Variants in KCTD16 observed in about 807,000 individuals in gnomAD.
KCTD16 encodes BTB/POZ domain-containing protein KCTD16.
A neutral mutation model predicts 33.2 loss-of-function variants in KCTD16; 13 were observed. The ratio of observed to expected loss-of-function variants is 0.39; its 90% CI spans 0.25 to 0.62. The LOEUF is 0.62. KCTD16 is among the 20% of genes least tolerant of loss of function. The pLI is 0.50. For synonymous variants in KCTD16, 197 were observed against 195.3 expected (o/e 1.01, Z -0.07); for missense variants, 441 against 525.1 (o/e 0.84, Z 1.57).
intron 3 of KCTD16, among the ~76,000 whole-genome samples, chr5:144,266,614 C>A (rs552574751): frequency 1.3e-5 from 2 of 152,284 alleles, no homozygotes; most frequent in East Asian, 3.9e-4. Flanking sequence ...TGACCAAATA[C>A]CCTTCCCTAA....
At chr5:144,249,133 C>A (rs934491096) in intron 3 of KCTD16, among the ~76,000 whole-genome samples, 1 of 152,264 alleles carries the variant, frequency 6.6e-6, no homozygotes, top group Admixed American at 6.5e-5. Flanking sequence ...GCAACACCCT[C>A]GTCTTCATTT....
intron 3 of KCTD16, among the ~76,000 whole-genome samples, chr5:144,358,069 A>G (rs376548051): frequency 2.2e-4 from 33 of 149,194 alleles, no homozygotes; most frequent in South Asian, 8.5e-4. Flanking sequence ...GACTACAGGC[A>G]TATGGCACCA....
At chr5:144,247,746 A>G (rs950179874) in intron 3 of KCTD16, among the ~76,000 whole-genome samples, 2 of 152,214 alleles carry the variant, frequency 1.3e-5, no homozygotes, top group African/African-American at 4.8e-5. Flanking sequence ...ACTGCTGATT[A>G]TGAACACACT....
intron 3 of KCTD16, among the ~76,000 whole-genome samples, chr5:144,366,314 C>T (rs569973644): frequency 1.6e-4 from 25 of 152,286 alleles, no homozygotes; most frequent in African/African-American, 6.0e-4. Flanking sequence ...TCTTGTTGAT[C>T]TGTGGATCCC....
chr5:144,205,404 T>C (rs1044455829), intron 2 of KCTD16: 5 of 397,802 alleles, frequency 1.3e-5, no homozygotes, highest in African/African-American at 8.2e-5. Context: ...CGAACTGCAC[T>C]GGGAACTGTG....
At chr5:144,309,072 C>T (rs1751686201) in intron 3 of KCTD16, among the ~76,000 whole-genome samples, 1 of 152,202 alleles carries the variant, frequency 6.6e-6, no homozygotes, top group African/African-American at 2.4e-5. Flanking sequence ...TGCTCACCTA[C>T]ATCTGCTGTG....
chr5:144,356,845 A>G (rs80231813), intron 3 of KCTD16, among the ~76,000 whole-genome samples: 1,895 of 151,806 alleles, frequency 0.012, 31 homozygotes, highest in African/African-American at 0.043. Context: ...CTTTCTCTCC[A>G]TTCCCTTCCC....
chr5:144,399,102 G>A (rs1170635259), intron 3 of KCTD16, among the ~76,000 whole-genome samples: 3 of 152,138 alleles, frequency 2.0e-5, no homozygotes, highest in Non-Finnish European at 4.4e-5. Flanking sequence ...TATCTATGAA[G>A]TATGACTCTT....
chr5:144,343,314 T>C (rs1171593291), intron 3 of KCTD16, among the ~76,000 whole-genome samples: 1 of 152,016 alleles, frequency 6.6e-6, no homozygotes, highest in Non-Finnish European at 1.5e-5. Flanking sequence ...TGGGAGGGTG[T>C]ATGTGTCGAG....
chr5:144,433,070 G>A (rs1190647285), intron 3 of KCTD16, among the ~76,000 whole-genome samples: 3 of 152,062 alleles, frequency 2.0e-5, no homozygotes, highest in Non-Finnish European at 4.4e-5. Flanking sequence ...AAGTCTGTGG[G>A]ACTTTGAAAA....
At chr5:144,213,947 A>G (rs1429792525) in intron 3 of KCTD16, among the ~76,000 whole-genome samples, 1 of 152,178 alleles carries the variant, frequency 6.6e-6, no homozygotes, top group Non-Finnish European at 1.5e-5. Context: ...CAAGATGTGC[A>G]GTGGGCCCTG....
intron 3 of KCTD16, among the ~76,000 whole-genome samples, chr5:144,323,811 G>T (rs980972802): frequency 1.3e-5 from 2 of 152,136 alleles, no homozygotes; most frequent in African/African-American, 4.8e-5. Flanking sequence ...GCATGGACTT[G>T]GGCATTAGAT....
chr5:144,180,714 A>G (rs567293822), intron 2 of KCTD16, among the ~76,000 whole-genome samples: 1 of 152,276 alleles, frequency 6.6e-6, no homozygotes, highest in African/African-American at 2.4e-5. Context: ...CAAACAGAAC[A>G]TATACACATG....
chr5:144,207,632 A>T, intron 3 of KCTD16, 86 bp downstream of exon 3: 3 of 963,332 alleles, frequency 3.1e-6, no homozygotes, highest in Non-Finnish European at 4.7e-6. Flanking sequence ...TCCATACCTA[A>T]GGAACATGGT....
At chr5:144,325,886 AT>A (rs1752193326) in intron 3 of KCTD16, among the ~76,000 whole-genome samples, 1 of 152,142 alleles carries the variant, frequency 6.6e-6, no homozygotes, top group Non-Finnish European at 1.5e-5. Context: ...CAGAGTAGGC[AT>A]TTAATAAAAC....
intron 3 of KCTD16, among the ~76,000 whole-genome samples, chr5:144,357,201 A>T (rs1048224784): frequency 1.3e-5 from 2 of 152,008 alleles, no homozygotes; most frequent in African/African-American, 4.8e-5. Flanking sequence ...CCAGTCACTT[A>T]TGAGTTTTCA....
intron 3 of KCTD16, among the ~76,000 whole-genome samples, chr5:144,288,988 T>G (rs1425448154): frequency 6.6e-6 from 1 of 152,006 alleles, no homozygotes; most frequent in Non-Finnish European, 1.5e-5. Context: ...CATTCTAGCC[T>G]GGGCAACAAT....
intron 3 of KCTD16, among the ~76,000 whole-genome samples, chr5:144,430,546 G>T (rs1405121107): frequency 1.3e-5 from 2 of 152,146 alleles, no homozygotes; most frequent in Non-Finnish European, 2.9e-5. Context: ...AAATGAGAGA[G>T]ATTGAATTAA....
chr5:144,386,899 G>A (rs1245267505), intron 3 of KCTD16, among the ~76,000 whole-genome samples: 2 of 152,136 alleles, frequency 1.3e-5, no homozygotes, highest in African/African-American at 4.8e-5. Context: ...TGGTATTATT[G>A]TTGTTGTAAA....
Sources: allele counts gnomAD v4.1 joint callset (sites outside exome capture counted in the v4.1 genomes callset), GRCh38; gene constraint gnomAD v4.1.1; transcripts MANE v1.5; gene names NCBI Gene and HGNC (gene_info 2026-07-23, HGNC 2026-07-21).